The following CACHD1 variants were observed in gnomAD, a reference collection of about 807,000 sequenced individuals.
CACHD1 encodes VWFA and cache domain-containing protein 1.
A neutral mutation model predicts 138.7 loss-of-function variants in CACHD1; 71 were observed. That is an observed-to-expected ratio of 0.51 (90% CI 0.42 to 0.62). CACHD1 has a LOEUF of 0.62. Ranked by LOEUF, CACHD1 falls within the 20% of genes least tolerant of loss-of-function variation. The pLI, the probability that CACHD1 is intolerant of heterozygous loss-of-function variation, is 0.00. For missense variants in CACHD1, 1,389 were observed against 1,625.3 expected (o/e 0.85, Z 2.50); for synonymous variants, 578 against 591.5 (o/e 0.98, Z 0.33).
intron 1 of CACHD1, among the ~76,000 whole-genome samples, chr1:64,495,224 TGAA>T (rs1646299281): frequency 6.6e-6 from 1 of 152,102 alleles, no homozygotes; most frequent in Non-Finnish European, 1.5e-5. Flanking sequence ...AGAATTAATT[TGAA>T]AACTGGAAAT....
At chr1:64,661,427 T>C (rs905394276) in intron 13 of CACHD1, among the ~76,000 whole-genome samples, 1 of 152,182 alleles carries the variant, frequency 6.6e-6, no homozygotes, top group African/African-American at 2.4e-5. Flanking sequence ...CCCATCTTAC[T>C]GCACTAGCCT....
intron 1 of CACHD1, among the ~76,000 whole-genome samples, chr1:64,522,682 T>A (rs918255479): frequency 2.0e-5 from 3 of 152,142 alleles, no homozygotes; most frequent in African/African-American, 7.2e-5. Flanking sequence ...CTCACTTTAT[T>A]ATTTTTGCAA....
intron 2 of CACHD1, among the ~76,000 whole-genome samples, chr1:64,581,402 A>G (rs1211123881): frequency 1.3e-5 from 2 of 152,192 alleles, no homozygotes; most frequent in African/African-American, 4.8e-5. Context: ...AAAACAACAC[A>G]GTTTTCCTTG....
At chr1:64,550,419 C>T in intron 1 of CACHD1, among the ~76,000 whole-genome samples, 175 bp from the exon 2 acceptor site, 1 of 152,144 alleles carries the variant, frequency 6.6e-6, no homozygotes, top group East Asian at 1.9e-4. Flanking sequence ...GTATTGCTTA[C>T]ATAAGTGTGA....
intron 4 of CACHD1, among the ~76,000 whole-genome samples, chr1:64,620,757 A>G (rs1028334140): frequency 1.3e-5 from 2 of 152,206 alleles, no homozygotes; most frequent in South Asian, 2.1e-4. Context: ...TCATAAACTT[A>G]CATTTGTAAT....
intron 4 of CACHD1, among the ~76,000 whole-genome samples, chr1:64,607,955 A>T (rs967648287): frequency 6.6e-6 from 1 of 152,198 alleles, no homozygotes; most frequent in Non-Finnish European, 1.5e-5. Context: ...CAAAATGCTG[A>T]TGTATTTCAG....
At position 64,627,632 on chromosome 1, in the gene CACHD1, A is replaced by G. The variant is rs535591605; in HGVS notation, c.518-1723A>G. 3.3e-5 allele frequency among the ~76,000 whole-genome samples: 5 copies of G among 152,252 alleles called. No homozygotes were observed. In the South Asian group the frequency reaches 8.3e-4, roughly 25 times the overall value. Reference sequence around the variant, plus strand: ...CCCACAATATCCTGCAAATCTTTGCAGCTCCCATTTCATAATGTAATTCCT... The same window carrying G: ...CCCACAATATCCTGCAAATCTTTGCGGCTCCCATTTCATAATGTAATTCCT... On this transcript the variant is annotated intron_variant, in intron 4 of 26. Transcript: ENST00000651257.
chr1:64,536,362 A>G (rs1646632604), intron 1 of CACHD1, among the ~76,000 whole-genome samples: 1 of 152,168 alleles, frequency 6.6e-6, no homozygotes, highest in South Asian at 2.1e-4. Context: ...AATGCTTCCC[A>G]TCCAGGAACT....
intron 3 of CACHD1, among the ~76,000 whole-genome samples, 158 bp from the exon 4 acceptor site, chr1:64,602,648 A>G (rs1647231698): frequency 6.6e-6 from 1 of 152,148 alleles, no homozygotes. Flanking sequence ...CCCCCACCAC[A>G]CACAGAGTTC....
At chr1:64,508,717 T>C (rs956615434) in intron 1 of CACHD1, among the ~76,000 whole-genome samples, 1 of 152,194 alleles carries the variant, frequency 6.6e-6, no homozygotes, top group Non-Finnish European at 1.5e-5. Context: ...CTAAGTAAGA[T>C]AGAGACGTAG....
intron 7 of CACHD1, among the ~76,000 whole-genome samples, chr1:64,635,827 A>G (rs867946546): frequency 2.0e-5 from 3 of 152,130 alleles, no homozygotes; most frequent in Middle Eastern, 3.4e-3. Flanking sequence ...AAATCTGTTT[A>G]TAGGCTGGGC....
intron 1 of CACHD1, among the ~76,000 whole-genome samples, chr1:64,545,365 T>G (rs1326123701): frequency 6.6e-6 from 1 of 152,202 alleles, no homozygotes; most frequent in African/African-American, 2.4e-5. Flanking sequence ...TTATGCCCTA[T>G]TCTATTCATT....
intron 12 of CACHD1, among the ~76,000 whole-genome samples, chr1:64,656,455 T>A (rs1649265137): frequency 6.6e-6 from 1 of 152,150 alleles, no homozygotes; most frequent in Admixed American, 6.6e-5. Flanking sequence ...CAGACTTTTG[T>A]GTTTGAAATT....
intron 2 of CACHD1, among the ~76,000 whole-genome samples, chr1:64,578,670 A>C (rs980341522): frequency 1.3e-5 from 2 of 152,204 alleles, no homozygotes; most frequent in Non-Finnish European, 2.9e-5. Flanking sequence ...TCATGCCACA[A>C]CTTGGGCTGG....
intron 7 of CACHD1, among the ~76,000 whole-genome samples, chr1:64,640,832 T>C (rs2100657785): frequency 6.6e-6 from 1 of 152,146 alleles, no homozygotes; most frequent in South Asian, 2.1e-4. Flanking sequence ...TTCCCTCTTT[T>C]TATTGTGGTC....
At chr1:64,520,492 T>G (rs920796633) in intron 1 of CACHD1, among the ~76,000 whole-genome samples, 2 of 152,168 alleles carry the variant, frequency 1.3e-5, no homozygotes, top group Non-Finnish European at 2.9e-5. Flanking sequence ...ACCCCTAGAG[T>G]GCATTCCTGA....
In CACHD1 at chr1:64,663,652, A is replaced by T. The variant is rs1443926332; in HGVS notation, c.1952-43A>T. 1.9e-6 allele frequency: 3 copies of T among 1,612,544 alleles called. No homozygotes were observed. In the South Asian group the frequency reaches 3.3e-5, roughly 18 times the overall value. Reference sequence around the variant, plus strand: ...GATGCCTTTGTTTGGGATGAGATAGAGTCTCCGCATTCTCAGGCCTGCTTT... The same window carrying T: ...GATGCCTTTGTTTGGGATGAGATAGTGTCTCCGCATTCTCAGGCCTGCTTT... On this transcript the variant is annotated intron_variant, in intron 13 of 26. Coordinates refer to ENST00000651257, the MANE Select transcript of CACHD1 (RefSeq NM_020925.4).
At chr1:64,675,359 G>T in intron 19 of CACHD1, 42 bp from the exon 20 acceptor site, 1 of 1,502,974 alleles carries the variant, frequency 6.7e-7, no homozygotes, top group Non-Finnish European at 9.1e-7. Flanking sequence ...CTGAGTCTTT[G>T]CATTGCTGTC....
intron 1 of CACHD1, among the ~76,000 whole-genome samples, chr1:64,543,729 G>A (rs938203415): frequency 1.3e-5 from 2 of 151,930 alleles, no homozygotes; most frequent in African/African-American, 2.4e-5. Flanking sequence ...ATCAGATGAG[G>A]TCTAATCTGG....
Sources: gnomAD v4.1 joint callset for allele counts (sites outside exome capture counted in the v4.1 genomes callset) on GRCh38, gnomAD v4.1.1 for gene constraint, MANE v1.5 for transcripts, NCBI Gene and HGNC (gene_info 2026-07-23, HGNC 2026-07-21) for gene names.